Variants in MYO16 observed in about 807,000 individuals in gnomAD.
MYO16 encodes unconventional myosin-XVI.
MYO16 carries 94 observed loss-of-function variants against 205.3 expected under a neutral mutation model. That is an observed-to-expected ratio of 0.46 (90% CI 0.39 to 0.54). The LOEUF (loss-of-function observed/expected upper bound fraction) is 0.54. Ranked by LOEUF, MYO16 falls within the 20% of genes least tolerant of loss-of-function variation. MYO16 has a pLI of 0.00. For synonymous variants in MYO16, 988 were observed against 954.0 expected (o/e 1.04, Z -0.66); for missense variants, 2,315 against 2,387.5 (o/e 0.97, Z 0.63).
intron 31 of MYO16, among the ~76,000 whole-genome samples, chr13:109,129,090 G>A (rs546182534): frequency 1.1e-3 from 144 of 136,996 alleles, no homozygotes; most frequent in Non-Finnish European, 1.9e-3. Context: ...TTTTTTTTTA[G>A]CATTTTTTAA....
intron 23 of MYO16, among the ~76,000 whole-genome samples, chr13:109,029,558 G>A (rs1886484889): frequency 6.6e-6 from 1 of 152,080 alleles, no homozygotes; most frequent in Admixed American, 6.6e-5. Flanking sequence ...AATCAACAGG[G>A]CAGTTTTCAT....
rs532198443 is a variant in MYO16 at position 108,898,456 on chromosome 13, C to T, written c.1777+323C>T. 1.8e-4 allele frequency among the ~76,000 whole-genome samples: 27 copies of T among 151,142 alleles called. No individual in the cohort carries two copies. The South Asian group carries it at 4.4e-3, about 25-fold the overall frequency. ...GTGAATTAAAAAATATTCTCAAATG[C>T]AAGCTGAACCTTTTCAAAATGATTA... On this transcript the variant is annotated intron_variant, in intron 15 of 34. Coordinates refer to ENST00000457511, the MANE Select transcript of MYO16 (RefSeq NM_001198950.3).
At chr13:109,146,129 T>C (rs1877317580) in intron 32 of MYO16, among the ~76,000 whole-genome samples, 1 of 152,194 alleles carries the variant, frequency 6.6e-6, no homozygotes, top group African/African-American at 2.4e-5. Flanking sequence ...CAGTTTGACA[T>C]ACAAATCTAT....
intron 2 of MYO16, among the ~76,000 whole-genome samples, chr13:108,700,052 G>C (rs1338210288): frequency 1.3e-5 from 2 of 152,204 alleles, no homozygotes; most frequent in South Asian, 2.1e-4. Context: ...GCATTTATAG[G>C]CTGGGCATGG....
At chr13:108,837,655 C>G (rs890492887) in intron 9 of MYO16, among the ~76,000 whole-genome samples, 91 of 152,126 alleles carry the variant, frequency 6.0e-4, no homozygotes, top group African/African-American at 2.0e-3. Flanking sequence ...CCAACTTGAA[C>G]CAACTTGAGG....
chr13:108,964,074 C>G (rs1393073549), intron 19 of MYO16, among the ~76,000 whole-genome samples: 5 of 152,214 alleles, frequency 3.3e-5, no homozygotes, highest in Non-Finnish European at 5.9e-5. Context: ...TAGTCTCCTG[C>G]TCTGCCTGAG....
At chr13:108,867,411 A>T (rs1878775744) in intron 12 of MYO16, among the ~76,000 whole-genome samples, 1 of 152,024 alleles carries the variant, frequency 6.6e-6, no homozygotes, top group African/African-American at 2.4e-5. Context: ...AGTCAGTGCC[A>T]TGGTTACTTT....
At chr13:108,985,397 G>A (rs1415304480) in intron 20 of MYO16, among the ~76,000 whole-genome samples, 1 of 152,164 alleles carries the variant, frequency 6.6e-6, no homozygotes, top group East Asian at 1.9e-4. Context: ...TGAACACAAG[G>A]AAGTATTTAT....
At chr13:108,739,649 AT>A (rs1566580409) in intron 4 of MYO16, among the ~76,000 whole-genome samples, 5 of 152,134 alleles carry the variant, frequency 3.3e-5, no homozygotes, top group African/African-American at 9.6e-5. Flanking sequence ...TCTCTGTGGC[AT>A]TCTCTGTATT....
chr13:108,617,852 C>T (rs1012361650), intron 1 of MYO16, among the ~76,000 whole-genome samples: 1 of 152,066 alleles, frequency 6.6e-6, no homozygotes. Flanking sequence ...ATATCATACC[C>T]AGATAATCGA....
intron 4 of MYO16, among the ~76,000 whole-genome samples, chr13:108,766,399 CT>C (rs1885777814): frequency 1.3e-5 from 2 of 152,224 alleles, no homozygotes; most frequent in Non-Finnish European, 1.5e-5. Context: ...AGCCTCTCCC[CT>C]GACTGCCATG....
chr13:108,860,374 T>G (rs1309298762), intron 11 of MYO16, among the ~76,000 whole-genome samples: 1 of 152,212 alleles, frequency 6.6e-6, no homozygotes, highest in Non-Finnish European at 1.5e-5. Flanking sequence ...TCCTCTATGA[T>G]GCACATGTAC....
At chr13:108,959,220 TTTCTCCTTTAG>T (rs1309971300) in intron 17 of MYO16, among the ~76,000 whole-genome samples, 1 of 3,536 alleles carries the variant, frequency 2.8e-4, no homozygotes, top group Admixed American at 5.1e-3. Flanking sequence ...GGCCTCTGTT[TTTCTCCTTTAG>T]TTTTTCTCCT....
chr13:109,045,396 A>G (rs1016668746), intron 23 of MYO16, among the ~76,000 whole-genome samples: 5 of 152,218 alleles, frequency 3.3e-5, no homozygotes, highest in African/African-American at 9.6e-5. Flanking sequence ...AGGTTGTATA[A>G]ATTGTTCACA....
chr13:108,898,884 C>T (rs1880571129), intron 15 of MYO16, among the ~76,000 whole-genome samples: 1 of 151,974 alleles, frequency 6.6e-6, no homozygotes, highest in African/African-American at 2.4e-5. Flanking sequence ...TTTTGATATA[C>T]TTGAAGTAAT....
At chr13:108,763,395 A>G (rs1477714120) in intron 4 of MYO16, among the ~76,000 whole-genome samples, 1 of 152,214 alleles carries the variant, frequency 6.6e-6, no homozygotes, top group Admixed American at 6.5e-5. Flanking sequence ...GGACCCTGAG[A>G]GCAGTGTAGA....
chr13:108,661,198 G>C (rs1881485599), intron 1 of MYO16, among the ~76,000 whole-genome samples: 1 of 152,122 alleles, frequency 6.6e-6, no homozygotes, highest in African/African-American at 2.4e-5. Context: ...TGGTGCTTCT[G>C]TCTCAGAGCT....
At chr13:108,654,166 C>A (rs1881139321) in intron 1 of MYO16, among the ~76,000 whole-genome samples, 1 of 152,054 alleles carries the variant, frequency 6.6e-6, no homozygotes, top group African/African-American at 2.4e-5. Flanking sequence ...GAGGGGACAG[C>A]TGTGAATCCT....
At chr13:109,160,239 T>A (rs1206129925) in intron 32 of MYO16, among the ~76,000 whole-genome samples, 1 of 152,192 alleles carries the variant, frequency 6.6e-6, no homozygotes, top group Non-Finnish European at 1.5e-5. Context: ...AGAATCACAT[T>A]GACTGGGAGT....
Sources: gnomAD v4.1 joint callset for allele counts (sites outside exome capture counted in the v4.1 genomes callset) on GRCh38, gnomAD v4.1.1 for gene constraint, MANE v1.5 for transcripts, NCBI Gene and HGNC (gene_info 2026-07-23, HGNC 2026-07-21) for gene names.